Variants in CNTN5 observed in about 807,000 individuals in gnomAD.
CNTN5 encodes the protein contactin 5, also known as contactin-5.
A neutral mutation model predicts 129.1 loss-of-function variants in CNTN5; 77 were observed. That is an observed-to-expected ratio of 0.60 (90% confidence interval 0.50 to 0.72). The LOEUF (loss-of-function observed/expected upper bound fraction) is 0.72, where lower values mean the gene tolerates loss of function less well. Among genes scored for constraint, CNTN5 ranks in the 30% least tolerant of loss-of-function variants. CNTN5 has a pLI of 0.00. For synonymous variants in CNTN5, 509 were observed against 465.6 expected (o/e 1.09, Z -1.20); for missense variants, 1,478 against 1,328.8 (o/e 1.11, Z -1.75).
intron 3 of CNTN5, among the ~76,000 whole-genome samples, chr11:99,699,249 T>G (rs1026096075): frequency 6.6e-6 from 1 of 151,510 alleles, no homozygotes; most frequent in Non-Finnish European, 1.5e-5. Context: ...AAATTTGAGG[T>G]AAAATTCAAG....
At chr11:99,685,449 G>A (rs1053987451) in intron 3 of CNTN5, among the ~76,000 whole-genome samples, 1 of 151,824 alleles carries the variant, frequency 6.6e-6, no homozygotes, top group Non-Finnish European at 1.5e-5. Context: ...TCCATTAAGA[G>A]AGAAAGTAAA....
chr11:99,272,957 T>C (rs997509631), intron 1 of CNTN5, among the ~76,000 whole-genome samples: 3 of 151,802 alleles, frequency 2.0e-5, no homozygotes, highest in Admixed American at 6.6e-5. Context: ...GAACTTTACA[T>C]TGAGAGAGTG....
chr11:99,511,757 C>T (rs1389348518), intron 2 of CNTN5, among the ~76,000 whole-genome samples: 1 of 151,670 alleles, frequency 6.6e-6, no homozygotes, highest in African/African-American at 2.4e-5. Context: ...TTTAGCATGG[C>T]ACATGTATAC....
chr11:99,229,732 A>T (rs1860889985), intron 1 of CNTN5, among the ~76,000 whole-genome samples: 1 of 152,056 alleles, frequency 6.6e-6, no homozygotes, highest in Non-Finnish European at 1.5e-5. Flanking sequence ...AAAATAGGAA[A>T]CATTTACCAA....
chr11:99,236,990 C>CT (rs1339025802), intron 1 of CNTN5, among the ~76,000 whole-genome samples: 6 of 150,736 alleles, frequency 4.0e-5, no homozygotes, highest in Non-Finnish European at 5.9e-5. Context: ...TTAAATTTTT[C>CT]TTTTTTTTCT....
intron 18 of CNTN5, among the ~76,000 whole-genome samples, chr11:100,283,613 C>T (rs907031011): frequency 1.3e-5 from 2 of 152,128 alleles, no homozygotes; most frequent in East Asian, 3.9e-4. Context: ...GTTCTGACCA[C>T]TGATATGGAA....
chr11:99,078,703 A>G (rs2135273843), intron 1 of CNTN5, among the ~76,000 whole-genome samples: 1 of 152,324 alleles, frequency 6.6e-6, no homozygotes, highest in East Asian at 1.9e-4. Context: ...AAGACAAACT[A>G]CATATGTTCT....
chr11:99,454,434 G>A (rs1565595197), intron 2 of CNTN5, among the ~76,000 whole-genome samples: 1 of 150,012 alleles, frequency 6.7e-6, no homozygotes, highest in Non-Finnish European at 1.5e-5. Flanking sequence ...GAGTTCTCAT[G>A]AGATCTGATG....
intron 2 of CNTN5, among the ~76,000 whole-genome samples, chr11:99,414,589 G>A (rs1021951438): frequency 1.3e-5 from 2 of 152,042 alleles, no homozygotes; most frequent in African/African-American, 4.8e-5. Context: ...GAAAAATAGA[G>A]CTATATAATC....
chr11:100,333,408 GAAAAAAAAAAAAA>G (rs547220238), intron 21 of CNTN5, among the ~76,000 whole-genome samples: 6 of 74,274 alleles, frequency 8.1e-5, no homozygotes, highest in Admixed American at 3.6e-4. Flanking sequence ...CACTGAATTA[GAAAAAAAAAAAAA>G]AAAAAAAAAA....
At chr11:100,330,980 C>G (rs901283958) in intron 21 of CNTN5, among the ~76,000 whole-genome samples, 1 of 152,138 alleles carries the variant, frequency 6.6e-6, no homozygotes, top group African/African-American at 2.4e-5. Flanking sequence ...TACCTCATAT[C>G]TCAATAATAA....
intron 4 of CNTN5, among the ~76,000 whole-genome samples, chr11:99,824,166 C>A (rs1468147429): frequency 1.3e-5 from 2 of 151,906 alleles, no homozygotes; most frequent in South Asian, 2.1e-4. Flanking sequence ...TTTAGGAGTG[C>A]AATTTTTATA....
At chr11:99,514,225 C>T (rs983604042) in intron 2 of CNTN5, among the ~76,000 whole-genome samples, 6 of 151,974 alleles carry the variant, frequency 3.9e-5, no homozygotes, top group African/African-American at 1.4e-4. Context: ...CATGATCAAA[C>T]TTGAATTGAT....
chr11:99,201,377 T>TCCTTCCTTCCTTCCTC (rs770352934), intron 1 of CNTN5, among the ~76,000 whole-genome samples: 4 of 141,670 alleles, frequency 2.8e-5, no homozygotes, highest in South Asian at 2.3e-4. Context: ...CTTCCTTCCT[T>TCCTTCCTTCCTTCCTC]CCTTCTTTCC....
At chr11:99,441,795 C>A (rs1220405627) in intron 2 of CNTN5, among the ~76,000 whole-genome samples, 1 of 152,080 alleles carries the variant, frequency 6.6e-6, no homozygotes, top group Non-Finnish European at 1.5e-5. Context: ...TGGCTCAGAA[C>A]TCTTTTTTTT....
chr11:100,131,715 G>T (rs546224587), intron 13 of CNTN5, among the ~76,000 whole-genome samples: 26 of 152,134 alleles, frequency 1.7e-4, no homozygotes, highest in African/African-American at 5.5e-4. Context: ...CAAAGGAAAA[G>T]AACTTTTCAA....
At chr11:99,244,949 T>C (rs1352564614) in intron 1 of CNTN5, among the ~76,000 whole-genome samples, 1 of 152,190 alleles carries the variant, frequency 6.6e-6, no homozygotes, top group Non-Finnish European at 1.5e-5. Flanking sequence ...CAAATATTGA[T>C]TGAATTATTA....
chr11:100,266,630 CT>C (rs5794047), intron 17 of CNTN5, among the ~76,000 whole-genome samples: 1,470 of 140,804 alleles, frequency 0.01, 31 homozygotes, highest in African/African-American at 0.036. Context: ...ATTTCCAAAT[CT>C]TTTTTTTTTT....
intron 3 of CNTN5, among the ~76,000 whole-genome samples, chr11:99,702,877 TA>T (rs1954583173): frequency 6.6e-6 from 1 of 151,016 alleles, no homozygotes; most frequent in South Asian, 2.1e-4. Flanking sequence ...TACTCTCATT[TA>T]TTTTTGTTTG....
Sources: gnomAD v4.1 joint callset for allele counts (sites outside exome capture counted in the v4.1 genomes callset) on GRCh38, gnomAD v4.1.1 for gene constraint, MANE v1.5 for transcripts, NCBI Gene and HGNC (gene_info 2026-07-23, HGNC 2026-07-21) for gene names.